DERA: variants seen among roughly 807,000 people sequenced by gnomAD.
DERA encodes 2-deoxy-D-ribose 5-phosphate aldolase.
In DERA, 15 loss-of-function variants were observed where a neutral mutation model predicts 41.1. The observed-to-expected ratio is 0.37, with a 90% CI of 0.24 to 0.56. The LOEUF is 0.56. Among genes scored for constraint, DERA ranks in the 20% least tolerant of loss-of-function variants. DERA has a pLI of 0.81. For missense variants in DERA, 396 were observed against 403.4 expected, an observed-to-expected ratio of 0.98 and a Z score of 0.16; for synonymous variants, 139 against 137.4, an observed-to-expected ratio of 1.01 and a Z score of -0.08.
At chr12:15,927,764 T>C (rs910412647) in intron 1 of DERA, among the ~76,000 whole-genome samples, 1 of 152,216 alleles carries the variant, frequency 6.6e-6, no homozygotes, top group African/African-American at 2.4e-5. Flanking sequence ...TTATTATTCA[T>C]ATAACCTTCA....
chr12:15,998,983 A>T lies in DERA; in HGVS notation c.637+16547A>T, dbSNP rs892662796. On this transcript the variant is annotated intron_variant, in intron 6 of 8. Coordinates refer to ENST00000428559, the MANE Select transcript of DERA (RefSeq NM_015954.4). This position sits in a 1 kb window ranked among gnomAD's most constrained non-coding sequence, Gnocchi z 4.8. Reference sequence around the variant, plus strand: ...CATTTGTAATTCTTCTACTGTTCTGATAGCACTATCAAGATTTCACCTCCT... The same window carrying T: ...CATTTGTAATTCTTCTACTGTTCTGTTAGCACTATCAAGATTTCACCTCCT... Among the ~76,000 whole-genome samples the T allele has an allele frequency of 6.6e-6, 1 of 152,206 alleles. No homozygotes were observed. Among genetic ancestry groups the T allele is most frequent in the Non-Finnish European group, 1.5e-5 (1 of 68,034 alleles).
rs1290843050 is a variant in DERA at position 15,982,586 on chromosome 12, A to C, written c.637+150A>C. 16 of 848,764 alleles carry C rather than the reference A, an allele frequency of 1.9e-5. No homozygotes were observed. Among genetic ancestry groups the C allele is most frequent in the Admixed American group, 5.9e-5 (2 of 34,086 alleles). 52.6% of individuals were successfully genotyped at this position (848,764 alleles called of 1,614,324 possible). On this transcript the variant is annotated intron_variant, in intron 6 of 8. Coordinates refer to ENST00000428559, the MANE Select transcript of DERA (RefSeq NM_015954.4). The surrounding 1 kb of genome is among the most constrained non-coding windows in gnomAD (Gnocchi z 4.0). Reference sequence around the variant, plus strand: ...TCGGATATTTTGTAAAAACATGTTCAATGTGAAGTGGTCAAAAACTCCTGG... The same window carrying C: ...TCGGATATTTTGTAAAAACATGTTCCATGTGAAGTGGTCAAAAACTCCTGG...
At chr12:16,029,035 T>C (rs1949072235) in intron 6 of DERA, among the ~76,000 whole-genome samples, 1 of 152,204 alleles carries the variant, frequency 6.6e-6, no homozygotes, top group Non-Finnish European at 1.5e-5. Flanking sequence ...TTATATAAGA[T>C]AGTAATAATA....
intron 5 of DERA, among the ~76,000 whole-genome samples, chr12:15,964,595 A>G (rs998568539): frequency 3.3e-5 from 5 of 152,216 alleles, no homozygotes; most frequent in Non-Finnish European, 7.3e-5. Flanking sequence ...TTTCACTAAG[A>G]TTTAAGGCTA....
chr12:15,974,676 G>C (rs1408860448), intron 5 of DERA, among the ~76,000 whole-genome samples: 3 of 152,146 alleles, frequency 2.0e-5, no homozygotes, highest in African/African-American at 7.2e-5. Flanking sequence ...TATAGATTAT[G>C]AATGGAGATA....
intron 6 of DERA, among the ~76,000 whole-genome samples, chr12:15,997,278 T>G (rs1022925045): frequency 6.6e-6 from 1 of 152,092 alleles, no homozygotes; most frequent in African/African-American, 2.4e-5. Flanking sequence ...TGTGTTCTCT[T>G]TTCCTCCGCA....
At chr12:15,986,054 G>T (rs79616266) in intron 6 of DERA, among the ~76,000 whole-genome samples, 8,698 of 152,038 alleles carry the variant, frequency 0.057, 332 homozygotes, top group Middle Eastern at 0.099. Context: ...CTTTAGGATT[G>T]TTATGTTTAC....
Position 15,996,159 on chromosome 12 carries a change from G to A in DERA, c.637+13723G>A, listed in dbSNP as rs1948835957. ...AGACACAGACACACACACAGAGCAT[G>A]TGTGTGTGTGTGTGTGTGTGTGTGT... On this transcript the variant is annotated intron_variant, in intron 6 of 8. Coordinates refer to ENST00000428559, the MANE Select transcript of DERA (RefSeq NM_015954.4). This position sits in a 1 kb window ranked among gnomAD's most constrained non-coding sequence, Gnocchi z 4.7. Among the ~76,000 whole-genome samples the A allele has an allele frequency of 2.0e-5, 1 of 50,020 alleles. No homozygotes were observed. The allele number at this position is 50,020 out of a possible 152,430, so 32.8% of individuals were successfully genotyped here. A position where few individuals can be genotyped will look rare whatever the true frequency, so the allele number is the denominator to read the frequency against.
At chr12:15,980,127 G>A (rs1040632603) in intron 5 of DERA, among the ~76,000 whole-genome samples, 1 of 152,152 alleles carries the variant, frequency 6.6e-6, no homozygotes, top group Non-Finnish European at 1.5e-5. Context: ...CTAGAATTCT[G>A]AACTTAATAA....
rs1948949230 is a variant in DERA at position 16,011,954 on chromosome 12, T to C, written c.638-20588T>C. Among the ~76,000 whole-genome samples, 1 of 152,152 alleles carries C rather than the reference T, an allele frequency of 6.6e-6. No homozygotes were observed. The highest frequency in any genetic ancestry group is 1.5e-5 in the Non-Finnish European group (1 of 68,028). On this transcript the variant is annotated intron_variant, in intron 6 of 8. Transcript: ENST00000428559. The surrounding 1 kb of genome is among the most constrained non-coding windows in gnomAD (Gnocchi z 4.7). ...CACTGGCTCTCTAAAAAACAGAGGA[T>C]AATGTGATAGAGACAGATAAAGAAT...
In DERA at chr12:15,992,063, T is replaced by G. The variant is rs1192416768; in HGVS notation, c.637+9627T>G. On this transcript the variant is annotated intron_variant, in intron 6 of 8. Transcript: ENST00000428559. The surrounding 1 kb of genome is among the most constrained non-coding windows in gnomAD (Gnocchi z 4.3). ...TAGTATCAGCATCAACTGTTTTACCTGTTAGATTTTTTTTTTTTTTCAAAA... is the reference window on the plus strand; with the variant it reads ...TAGTATCAGCATCAACTGTTTTACCGGTTAGATTTTTTTTTTTTTTCAAAA... 6.6e-6 allele frequency among the ~76,000 whole-genome samples: 1 copy of G among 150,492 alleles called. No homozygotes were observed. Among genetic ancestry groups the G allele is most frequent in the African/African-American group, 2.5e-5 (1 of 40,208 alleles).
chr12:15,995,873 TAACTC>T lies in DERA; in HGVS notation c.637+13440_637+13444del, dbSNP rs1210796778. On this transcript the variant is annotated intron_variant, in intron 6 of 8. Coordinates refer to ENST00000428559, the MANE Select transcript of DERA (RefSeq NM_015954.4). The surrounding 1 kb of genome is among the most constrained non-coding windows in gnomAD (Gnocchi z 5.1). ...CTGATAAAGGAAGATTTTTCTCTCT[TAACTC>T]AAAGTAGTAGGACTAGGACCAACTT... is the stretch of plus-strand genomic sequence containing the variant. 2.6e-5 allele frequency among the ~76,000 whole-genome samples: 4 copies of T among 152,296 alleles called. No individual in the cohort carries two copies. The highest frequency in any genetic ancestry group is 1.9e-4 in the East Asian group (1 of 5,174).
chr12:16,035,027 T>G lies in DERA; in HGVS notation c.751-1205T>G, dbSNP rs1178126494. On this transcript the variant is annotated intron_variant, in intron 7 of 8. Coordinates refer to ENST00000428559, the MANE Select transcript of DERA (RefSeq NM_015954.4). The surrounding 1 kb of genome is among the most constrained non-coding windows in gnomAD (Gnocchi z 4.1). ...TCCGTGCACTGCTACTGCTTAGTTG[T>G]GTGACGTTGTGTAATTGAGGCAGGG... 2.0e-5 allele frequency among the ~76,000 whole-genome samples: 3 copies of G among 152,176 alleles called. No homozygotes were observed. Among genetic ancestry groups the G allele is most frequent in the Non-Finnish European group, 2.9e-5 (2 of 68,024 alleles).
At chr12:15,920,771 GTTGCAGTGAGCCGAGA>G (rs1195008307) in intron 1 of DERA, among the ~76,000 whole-genome samples, 6 of 152,218 alleles carry the variant, frequency 3.9e-5, no homozygotes, top group African/African-American at 1.4e-4. Flanking sequence ...AGGAGGCGAG[GTTGCAGTGAGCCGAGA>G]TTGCGCCACT....
intron 1 of DERA, among the ~76,000 whole-genome samples, chr12:15,912,828 G>C (rs924045511): frequency 6.6e-6 from 1 of 152,150 alleles, no homozygotes; most frequent in African/African-American, 2.4e-5. Context: ...ATTTTTTGTC[G>C]AATGGTAAGA....
chr12:15,963,014 G>A, intron 5 of DERA, 67 bp downstream of exon 5: 4 of 1,546,560 alleles, frequency 2.6e-6, no homozygotes, highest in South Asian at 1.2e-5. Flanking sequence ...GATGAGGTAA[G>A]ATGTGGTATG....
chr12:15,998,126 T>C lies in DERA; in HGVS notation c.637+15690T>C, dbSNP rs565265521. 2.2e-4 allele frequency among the ~76,000 whole-genome samples: 34 copies of C among 152,312 alleles called. No individual in the cohort carries two copies. The highest frequency in any genetic ancestry group is 7.5e-4 in the African/African-American group (31 of 41,582). On this transcript the variant is annotated intron_variant, in intron 6 of 8. Coordinates refer to ENST00000428559, the MANE Select transcript of DERA (RefSeq NM_015954.4). This position sits in a 1 kb window ranked among gnomAD's most constrained non-coding sequence, Gnocchi z 4.8. ...AGAGTTTCCTGGCAAGCTTCTTTAA[T>C]GAACTGTTGCAATGATCTTCCTACC...
At position 15,936,886 on chromosome 12, in the gene DERA, T is replaced by TTGTCCTGTCCTGTCC. The variant is rs71438363; in HGVS notation, c.32-20015_32-20001dup. Among the ~76,000 whole-genome samples, 51 of 136,928 alleles carry TTGTCCTGTCCTGTCC rather than the reference T, an allele frequency of 3.7e-4. No homozygotes were observed. The highest frequency in any genetic ancestry group is 1.4e-3 in the African/African-American group (45 of 31,268). 89.8% of individuals were successfully genotyped at this position (136,928 alleles called of 152,430 possible). A position where few individuals can be genotyped will look rare whatever the true frequency, so the allele number is the denominator to read the frequency against. On this transcript the variant is annotated intron_variant, in intron 1 of 8. Transcript: ENST00000428559. The surrounding 1 kb of genome is among the most constrained non-coding windows in gnomAD (Gnocchi z 4.6). ...TTGTCTTGTCTTGTCTTGTCTTGTCTTGTCCTGTCCTGTCCTGTCCTGTCC... is the reference window on the plus strand; with the variant it reads ...TTGTCTTGTCTTGTCTTGTCTTGTCTTGTCCTGTCCTGTCCTGTCCTGTCCTGTCCTGTCCTGTCC...
rs994012303 is a variant in DERA at position 16,017,766 on chromosome 12, C to T, written c.638-14776C>T. Among the ~76,000 whole-genome samples, 7 of 152,144 alleles carry T rather than the reference C, an allele frequency of 4.6e-5. No homozygotes were observed. Among genetic ancestry groups the T allele is most frequent in the Admixed American group, 1.3e-4 (2 of 15,274 alleles). On this transcript the variant is annotated intron_variant, in intron 6 of 8. Transcript: ENST00000428559. The surrounding 1 kb of genome is among the most constrained non-coding windows in gnomAD (Gnocchi z 5.5). Reference sequence around the variant, plus strand: ...ATAAGTTAGTGTCGGAATTACCATACGAAACTCTCTTTCTAACTTTAATCG... The same window carrying T: ...ATAAGTTAGTGTCGGAATTACCATATGAAACTCTCTTTCTAACTTTAATCG...
Sources: allele counts gnomAD v4.1 joint callset (sites outside exome capture counted in the v4.1 genomes callset), GRCh38; gene constraint gnomAD v4.1.1; non-coding constraint Gnocchi (gnomAD v3.1); transcripts MANE v1.5; gene names NCBI Gene and HGNC (gene_info 2026-07-23, HGNC 2026-07-21).